SCYL2: variants seen among roughly 807,000 people sequenced by gnomAD.
The protein encoded by SCYL2 is SCY1 like pseudokinase 2.
Under a neutral mutation model 100.4 loss-of-function variants are expected in SCYL2, and 36 were observed. The observed-to-expected ratio is 0.36, with a 90% CI of 0.27 to 0.47. SCYL2 has a LOEUF of 0.47. SCYL2 is among the 20% of genes least tolerant of loss of function. SCYL2 has a pLI of 1.00. For synonymous variants in SCYL2, 330 were observed against 359.2 expected, an observed-to-expected ratio of 0.92 and a Z score of 0.92; for missense variants, 902 against 1,083.9, an observed-to-expected ratio of 0.83 and a Z score of 2.36.
intron 2 of SCYL2, among the ~76,000 whole-genome samples, chr12:100,287,024 A>C (rs1220142186): frequency 6.6e-6 from 1 of 152,226 alleles, no homozygotes; most frequent in Admixed American, 6.5e-5. Context: ...CAGATGAAAA[A>C]TGAAGTGTGT....
intron 11 of SCYL2, among the ~76,000 whole-genome samples, chr12:100,324,071 A>G (rs1005070662): frequency 2.0e-5 from 3 of 152,170 alleles, no homozygotes; most frequent in Non-Finnish European, 2.9e-5. Flanking sequence ...TTCTTAAAAA[A>G]GTAGAGTACA....
In SCYL2 at chr12:100,298,087, G is replaced by A. The variant is rs1362072381; in HGVS notation, c.392G>A (p.Gly131Asp). 47 of 1,610,982 alleles carry A rather than the reference G, an allele frequency of 2.9e-5. No individual in the cohort carries two copies. Among genetic ancestry groups the A allele is most frequent in the Non-Finnish European group, 3.7e-5 (44 of 1,178,670 alleles). Residue 131 changes from glycine to aspartate, a missense_variant, in exon 4 of 18, where the codon GGT (glycine) becomes GAT (aspartate). Coordinates refer to ENST00000360820, the MANE Select transcript of SCYL2 (RefSeq NM_017988.6). ...TTTGCCAGTTTAGCCAATGTTCTTG[G>A]TAACTGGGAAAATCTACCTTCCCCT... is the stretch of plus-strand genomic sequence containing the variant. ...PVFASLANVL[G>D]NWENLPSPIS... is the part of the protein sequence containing the mutation.
At chr12:100,291,318 C>G (rs2096310353) in intron 2 of SCYL2, among the ~76,000 whole-genome samples, 185 bp from the exon 3 acceptor site, 1 of 152,068 alleles carries the variant, frequency 6.6e-6, no homozygotes, top group African/African-American at 2.4e-5. Flanking sequence ...GATGAGGACT[C>G]TAGGTTTTAC....
intron 4 of SCYL2, among the ~76,000 whole-genome samples, chr12:100,307,398 A>G (rs1258697987): frequency 1.3e-5 from 2 of 152,168 alleles, no homozygotes; most frequent in African/African-American, 2.4e-5. Context: ...TGGGGAAAGG[A>G]TTTCCTATTT....
intron 2 of SCYL2, among the ~76,000 whole-genome samples, chr12:100,290,023 C>G (rs1473703855): frequency 1.3e-5 from 2 of 152,156 alleles, no homozygotes; most frequent in African/African-American, 2.4e-5. Flanking sequence ...TAACAAAATA[C>G]AAGTCTTGAT....
chr12:100,331,216 T>C (rs995195695), intron 13 of SCYL2, among the ~76,000 whole-genome samples: 4 of 152,136 alleles, frequency 2.6e-5, no homozygotes, highest in African/African-American at 9.7e-5. Flanking sequence ...ACAGTGAGTA[T>C]TGGGGAGGAA....
chr12:100,325,694 A>G (rs868752783), intron 11 of SCYL2, among the ~76,000 whole-genome samples: 1 of 152,258 alleles, frequency 6.6e-6, no homozygotes, highest in African/African-American at 2.4e-5. Context: ...TACTTACATG[A>G]CTAATATTTT....
chr12:100,316,875 G>T (rs1402293661), intron 9 of SCYL2, among the ~76,000 whole-genome samples: 1 of 152,148 alleles, frequency 6.6e-6, no homozygotes, highest in African/African-American at 2.4e-5. Context: ...GTCAAAGCAG[G>T]CAGATTGCTT....
intron 10 of SCYL2, among the ~76,000 whole-genome samples, chr12:100,320,593 T>TAAATAAAG (rs869261830): frequency 1.3e-5 from 2 of 148,594 alleles, no homozygotes; most frequent in African/African-American, 4.9e-5. Context: ...AATAAATAAA[T>TAAATAAAG]AAAGTTCCTC....
intron 4 of SCYL2, among the ~76,000 whole-genome samples, chr12:100,299,069 CA>C (rs1566354524): frequency 6.6e-6 from 1 of 151,872 alleles, no homozygotes; most frequent in Non-Finnish European, 1.5e-5. Flanking sequence ...CTTGTTTCTA[CA>C]AAAAAATTTT....
chr12:100,322,094 C>A (rs368080181), intron 10 of SCYL2, among the ~76,000 whole-genome samples: 3 of 150,214 alleles, frequency 2.0e-5, no homozygotes, highest in Non-Finnish European at 4.4e-5. Flanking sequence ...AAAAAAGGGC[C>A]GGGCGCGGTG....
intron 13 of SCYL2, among the ~76,000 whole-genome samples, chr12:100,330,440 G>A (rs1304187973): frequency 1.3e-5 from 2 of 152,204 alleles, no homozygotes; most frequent in Non-Finnish European, 1.5e-5. Flanking sequence ...GGTTATTAGA[G>A]CTTATTCTTC....
chr12:100,294,402 C>A (rs1334016598), intron 3 of SCYL2, among the ~76,000 whole-genome samples: 11 of 122,110 alleles, frequency 9.0e-5, no homozygotes, highest in African/African-American at 2.2e-4. Context: ...CCACCTCCCT[C>A]CCGGACGGGG....
chr12:100,314,654 A>T, intron 8 of SCYL2, 40 bp downstream of exon 8: 1 of 1,532,842 alleles, frequency 6.5e-7, no homozygotes, highest in Non-Finnish European at 8.8e-7. Context: ...TCAGGATTTT[A>T]GAAGTTAAAG....
rs943915117 is a variant in SCYL2, at chr12:100,288,340, G to A, written c.178-3163G>A. On this transcript the variant is annotated intron_variant, in intron 2 of 17. Coordinates refer to ENST00000360820, the MANE Select transcript of SCYL2 (RefSeq NM_017988.6). ...TTCTTTTTTTCTTTTAAGAGATGGG[G>A]CCTTACTGTGTTGCCCAGGTTGGTC... Among the ~76,000 whole-genome samples, 5 of 152,014 alleles carry A rather than the reference G, an allele frequency of 3.3e-5. No individual in the cohort carries two copies. The South Asian group carries it at 8.3e-4, about 25-fold the overall frequency.
chr12:100,314,278 A>T (rs1167021637), intron 7 of SCYL2, among the ~76,000 whole-genome samples: 4 of 152,242 alleles, frequency 2.6e-5, no homozygotes, highest in African/African-American at 9.6e-5. Flanking sequence ...GTTTTTACCC[A>T]GCCAATTCAC....
At chr12:100,317,471 T>G (rs1476463601) in intron 9 of SCYL2, among the ~76,000 whole-genome samples, 1 of 152,228 alleles carries the variant, frequency 6.6e-6, no homozygotes, top group African/African-American at 2.4e-5. Context: ...TGGACTTTAC[T>G]TCTTTGGGAT....
chr12:100,287,530 T>C (rs1020109536), intron 2 of SCYL2, among the ~76,000 whole-genome samples: 2 of 152,234 alleles, frequency 1.3e-5, no homozygotes, highest in African/African-American at 2.4e-5. Context: ...TGACAAATAC[T>C]ACAGTCTTTT....
chr12:100,305,464 A>G (rs1206798685), intron 4 of SCYL2, among the ~76,000 whole-genome samples: 3 of 152,350 alleles, frequency 2.0e-5, no homozygotes, highest in South Asian at 2.1e-4. Context: ...AATGAGAACA[A>G]AGACACAACA....
Sources: allele counts gnomAD v4.1 joint callset (sites outside exome capture counted in the v4.1 genomes callset), GRCh38; gene constraint gnomAD v4.1.1; transcripts MANE v1.5; gene names NCBI Gene and HGNC (gene_info 2026-07-23, HGNC 2026-07-21).